The following NAPB variants were observed in gnomAD, a reference collection of about 807,000 sequenced individuals.
NAPB encodes beta-soluble NSF attachment protein.
NAPB carries 26 observed loss-of-function variants against 44.7 expected under a neutral mutation model. The ratio of observed to expected loss-of-function variants is 0.58; its 90% confidence interval spans 0.43 to 0.81. NAPB has a LOEUF of 0.81. Ranked by LOEUF, NAPB falls within the 30% of genes least tolerant of loss-of-function variation. The pLI is 0.00. For missense variants in NAPB, 315 were observed against 356.4 expected (o/e 0.88, Z 0.94); for synonymous variants, 120 against 116.8 (o/e 1.03, Z -0.18).
intron 2 of NAPB, among the ~76,000 whole-genome samples, chr20:23,401,806 C>A (rs548377601): frequency 5.5e-4 from 84 of 152,256 alleles, no homozygotes; most frequent in African/African-American, 2.0e-3. Context: ...GCTTGAGCCC[C>A]AGAGGCAGAG....
In NAPB at chr20:23,377,487, C is replaced by A; in HGVS notation, c.787-1G>T. Reference sequence around the variant, plus strand: ...GAGATATTGAGTCAAATTCCTTCACCTAGTATAAGGAAAGAGGAACAGGAA... The same window carrying A: ...GAGATATTGAGTCAAATTCCTTCACATAGTATAAGGAAAGAGGAACAGGAA... On this transcript the variant is annotated splice_acceptor_variant, in intron 10 of 10. Coordinates refer to ENST00000377026, the MANE Select transcript of NAPB (RefSeq NM_022080.3). LOFTEE classifies it high-confidence loss of function. 1.3e-6 allele frequency: 2 copies of A among 1,588,432 alleles called. No homozygotes were observed. The highest frequency in any genetic ancestry group is 2.2e-5 in the East Asian group (1 of 44,494).
At chr20:23,416,590 G>A (rs1033969537) in intron 1 of NAPB, among the ~76,000 whole-genome samples, 25 of 151,758 alleles carry the variant, frequency 1.6e-4, no homozygotes, top group African/African-American at 3.4e-4. Context: ...TATTTCTTAC[G>A]TATATTATAT....
At chr20:23,417,483 G>C (rs1986090696) in intron 1 of NAPB, among the ~76,000 whole-genome samples, 1 of 152,108 alleles carries the variant, frequency 6.6e-6, no homozygotes, top group African/African-American at 2.4e-5. Flanking sequence ...ATTATAAGAG[G>C]CTTTTCCAAT....
chr20:23,404,931 A>G (rs888562670), intron 1 of NAPB, among the ~76,000 whole-genome samples: 1 of 152,238 alleles, frequency 6.6e-6, no homozygotes, highest in Non-Finnish European at 1.5e-5. Flanking sequence ...GGAGGAATAT[A>G]AAAGGGTGCA....
intron 1 of NAPB, among the ~76,000 whole-genome samples, chr20:23,408,642 G>A (rs1295615200): frequency 2.6e-5 from 4 of 152,148 alleles, no homozygotes; most frequent in Non-Finnish European, 5.9e-5. Context: ...CTTTATTTCA[G>A]TGCTTAATAT....
chr20:23,386,935 G>C (rs1486408846), intron 7 of NAPB, among the ~76,000 whole-genome samples: 3 of 152,140 alleles, frequency 2.0e-5, no homozygotes, highest in Non-Finnish European at 4.4e-5. Flanking sequence ...AGTTTGCAAT[G>C]ACCAAGTAGA....
At chr20:23,379,549 C>A in intron 9 of NAPB, 54 bp from the exon 10 acceptor site, 1 of 1,320,750 alleles carries the variant, frequency 7.6e-7, no homozygotes. Context: ...AGTCCCATTT[C>A]TAAATATATA....
In NAPB at chr20:23,414,953, G is replaced by T. The variant is rs919037271; in HGVS notation, c.98+6352C>A. Among the ~76,000 whole-genome samples, 10 of 148,206 alleles carry T rather than the reference G, an allele frequency of 6.7e-5. No homozygotes were observed. In the East Asian group the frequency reaches 2.0e-3, roughly 30 times the overall value. On this transcript the variant is annotated intron_variant, in intron 1 of 10. Coordinates refer to ENST00000377026, the MANE Select transcript of NAPB (RefSeq NM_022080.3). ...GAAAAATATATTAAAAAAATTTTAA[G>T]TATAATATTTTGATTAGCTTAATTA...
chr20:23,402,918 G>A (rs1984950710), intron 2 of NAPB, 75 bp downstream of exon 2: 1 of 1,170,304 alleles, frequency 8.5e-7, no homozygotes, highest in African/African-American at 1.5e-5. Context: ...CTCTTCAAGG[G>A]GAAAACAGTC....
intron 4 of NAPB, 68 bp from the exon 5 acceptor site, chr20:23,395,067 A>G: frequency 5.0e-6 from 8 of 1,612,698 alleles, no homozygotes; most frequent in Admixed American, 3.3e-5. Context: ...TGGGAACATA[A>G]AAAAGAAAGA....
Position 23,390,044 on chromosome 20 carries a change from C to T in NAPB, c.477-14G>A, listed in dbSNP as rs952341369. 1.2e-6 allele frequency: 2 copies of T among 1,613,366 alleles called. No individual in the cohort carries two copies. The highest frequency in any genetic ancestry group is 1.7e-5 in the Admixed American group (1 of 59,900). ...TTGTTTGCTGAGCTGAAATCAAGAA[C>T]CAAAGCAGAGTGAGTAACAAGTCAA... On this transcript the variant is annotated splice_polypyrimidine_tract_variant and intron_variant, in intron 6 of 10. Transcript: ENST00000377026.
intron 7 of NAPB, among the ~76,000 whole-genome samples, chr20:23,389,231 T>TTAA (rs1555790830): frequency 1.7e-5 from 2 of 115,402 alleles, no homozygotes; most frequent in African/African-American, 6.7e-5. Context: ...GACTATTATT[T>TTAA]AAAAAAAAAA....
At position 23,421,464 on chromosome 20, in the gene NAPB, C is replaced by A; in HGVS notation, c.-62G>T. The A allele has an allele frequency of 6.9e-7, 1 of 1,456,000 alleles. No individual in the cohort carries two copies. Among genetic ancestry groups the A allele is most frequent in the African/African-American group, 1.5e-5 (1 of 68,284 alleles). The allele number at this position is 1,456,000 out of a possible 1,614,324, so 90.2% of individuals were successfully genotyped here. ...CTCGCTGTGCGCCCAGGCGCCTTAA[C>A]CCTCCCTCTGGCGGCCGCAGGGACG... On this transcript the variant is annotated 5_prime_UTR_variant, in exon 1 of 11. Coordinates refer to ENST00000377026, the MANE Select transcript of NAPB (RefSeq NM_022080.3).
Position 23,379,942 on chromosome 20 carries a change from G to A in NAPB, c.667-7C>T, listed in dbSNP as rs1470823113. On this transcript the variant is annotated splice_polypyrimidine_tract_variant and splice_region_variant and intron_variant, in intron 8 of 10. Transcript: ENST00000377026. ...CATATTTCTCAAGAGCAAGCTGAGA[G>A]AGAAAAACCACTCATCAATTTCAGA... The A allele has an allele frequency of 6.2e-7, 1 of 1,611,180 alleles. No individual in the cohort carries two copies. Among genetic ancestry groups the A allele is most frequent in the South Asian group, 1.1e-5 (1 of 90,822 alleles).
intron 7 of NAPB, among the ~76,000 whole-genome samples, chr20:23,385,971 G>C (rs984803977): frequency 6.6e-6 from 1 of 152,072 alleles, no homozygotes; most frequent in Non-Finnish European, 1.5e-5. Context: ...GCAAAAATAT[G>C]TTATCTAACC....
intron 7 of NAPB, among the ~76,000 whole-genome samples, chr20:23,388,472 C>G (rs1296859234): frequency 6.6e-6 from 1 of 152,030 alleles, no homozygotes; most frequent in Non-Finnish European, 1.5e-5. Context: ...TGAAAAAGAA[C>G]AAAAAGCTGG....
chr20:23,397,298 T>C (rs1401636279), intron 2 of NAPB, 110 bp from the exon 3 acceptor site: 14 of 1,325,712 alleles, frequency 1.1e-5, no homozygotes, highest in Non-Finnish European at 1.4e-5. Flanking sequence ...AAAAGAAGCA[T>C]TCTAGTCAGA....
Position 23,390,264 on chromosome 20 carries a change from C to T in NAPB, c.421G>A (p.Ala141Thr), listed in dbSNP as rs1359333335. Residue 141 changes from alanine (A) to threonine (T), a missense_variant and splice_region_variant, in exon 6 of 11, where the codon GCT becomes ACT. This residue lies in a region of NAPB where 179 missense variants were observed against 182.5 expected (regional missense o/e 0.98). Coordinates refer to ENST00000377026, the MANE Select transcript of NAPB (RefSeq NM_022080.3). ...YETELVDIEK[A>T]IAHYEQSADY... The stretch of plus-strand genomic sequence containing the variant: ...GCAGATTGTTCATAATGTGCAATAG[C>T]CTGAAAACATACATATTTTATTCAC... The T allele has an allele frequency of 2.5e-6, 4 of 1,607,956 alleles. No homozygotes were observed. The highest frequency in any genetic ancestry group is 3.4e-6 in the Non-Finnish European group (4 of 1,174,720).
chr20:23,409,521 C>T (rs1216358842), intron 1 of NAPB, among the ~76,000 whole-genome samples: 3 of 152,128 alleles, frequency 2.0e-5, no homozygotes, highest in Non-Finnish European at 4.4e-5. Context: ...TATTTAAATA[C>T]TTAAGAAAGA....
Sources: allele counts gnomAD v4.1 joint callset (sites outside exome capture counted in the v4.1 genomes callset), GRCh38; gene constraint gnomAD v4.1.1; regional missense constraint gnomAD v4.1.1; transcripts MANE v1.5; gene names NCBI Gene and HGNC (gene_info 2026-07-23, HGNC 2026-07-21).